Variants in VSTM5 observed in about 807,000 individuals in gnomAD.
VSTM5 encodes V-set and transmembrane domain-containing protein 5.
A neutral mutation model predicts 20.3 loss-of-function variants in VSTM5; 21 were observed. The ratio of observed to expected loss-of-function variants is 1.03; its 90% CI spans 0.73 to 1.49. VSTM5 has a LOEUF of 1.49. VSTM5 is among the 40% of genes most tolerant of loss of function. The pLI, the probability that VSTM5 is intolerant of heterozygous loss-of-function variation, is 0.00. For synonymous variants in VSTM5, 100 were observed against 102.5 expected, an observed-to-expected ratio of 0.98 and a Z score of 0.14; for missense variants, 219 against 250.0, an observed-to-expected ratio of 0.88 and a Z score of 0.84.
intron 1 of VSTM5, among the ~76,000 whole-genome samples, chr11:93,823,065 C>T (rs1390344983): frequency 1.3e-5 from 2 of 152,092 alleles, no homozygotes; most frequent in African/African-American, 2.4e-5. Context: ...TTACTTTGGC[C>T]CAAGAAACTG....
chr11:93,850,122 C>T (rs988021831), intron 1 of VSTM5, among the ~76,000 whole-genome samples: 1 of 152,088 alleles, frequency 6.6e-6, no homozygotes, highest in East Asian at 1.9e-4. Flanking sequence ...CTCTGATAAC[C>T]GTAGGCCGGG....
chr11:93,845,860 A>G (rs1328355292), intron 1 of VSTM5, among the ~76,000 whole-genome samples: 1 of 152,072 alleles, frequency 6.6e-6, no homozygotes, highest in Non-Finnish European at 1.5e-5. Context: ...TGCTGTACAC[A>G]CTTACTCATC....
intron 1 of VSTM5, chr11:93,822,023 A>T (rs1944191005): frequency 6.6e-6 from 1 of 152,156 alleles, no homozygotes. Context: ...AGGGAAAAGA[A>T]CTATATTTAA....
At chr11:93,830,349 G>A (rs1591398721) in intron 1 of VSTM5, among the ~76,000 whole-genome samples, 2 of 152,224 alleles carry the variant, frequency 1.3e-5, no homozygotes, top group African/African-American at 4.8e-5. Flanking sequence ...AAACAGCCGG[G>A]AACAGCTAGT....
chr11:93,821,527 C>A (rs1409105235), intron 1 of VSTM5: 2 of 583,640 alleles, frequency 3.4e-6, no homozygotes, highest in Non-Finnish European at 3.0e-6. Flanking sequence ...ACAGAGCAAC[C>A]TTTTTCCATT....
intron 1 of VSTM5, among the ~76,000 whole-genome samples, chr11:93,837,408 G>C (rs1031282981): frequency 6.6e-6 from 1 of 152,024 alleles, no homozygotes; most frequent in African/African-American, 2.4e-5. Context: ...ATGCTGCTAC[G>C]TATGCCCTCA....
At chr11:93,833,107 GACTTAGT>G (rs764885207) in intron 1 of VSTM5, among the ~76,000 whole-genome samples, 10 of 152,174 alleles carry the variant, frequency 6.6e-5, no homozygotes, top group Non-Finnish European at 1.0e-4. Context: ...AGAATTTGAA[GACTTAGT>G]ACTTAGTATG....
At chr11:93,838,657 G>T (rs553779304) in intron 1 of VSTM5, among the ~76,000 whole-genome samples, 1 of 150,482 alleles carries the variant, frequency 6.6e-6, no homozygotes, top group South Asian at 2.1e-4. Context: ...AAAAAGCTGG[G>T]TGTGGCGCTG....
intron 1 of VSTM5, among the ~76,000 whole-genome samples, chr11:93,838,470 G>A (rs1183778350): frequency 2.0e-5 from 3 of 150,102 alleles, no homozygotes; most frequent in South Asian, 2.1e-4. Flanking sequence ...AGACTCCATC[G>A]TAAAAAAACC....
intron 1 of VSTM5, among the ~76,000 whole-genome samples, chr11:93,838,971 C>T (rs1944346945): frequency 1.3e-5 from 2 of 152,206 alleles, no homozygotes; most frequent in African/African-American, 4.8e-5. Flanking sequence ...GGAGCTCCTG[C>T]TCTTGGGCCC....
intron 1 of VSTM5, among the ~76,000 whole-genome samples, chr11:93,840,272 A>G (rs1489685173): frequency 6.6e-6 from 1 of 152,248 alleles, no homozygotes; most frequent in African/African-American, 2.4e-5. Flanking sequence ...ATTGTGCATT[A>G]GATCATCTGG....
chr11:93,850,445 C>T lies in VSTM5; in HGVS notation c.58G>A (p.Ala20Thr). 1 of 1,549,404 alleles carries T rather than the reference C, an allele frequency of 6.5e-7. No homozygotes were observed. The highest frequency in any genetic ancestry group is 8.7e-7 in the Non-Finnish European group (1 of 1,146,320). ...CAGCGGGCTGCGGCCAGGCAGAGGG[C>T]GAAGAGTCCTAGGGAGATGCCTCGG... Reference protein sequence around the residue: ...KTRGISLGLFALCLAAARCLQ... With the variant: ...KTRGISLGLFTLCLAAARCLQ... Residue 20 changes from alanine to threonine, a missense_variant, in exon 1 of 4, where the codon GCC becomes ACC. Transcript: ENST00000409977.
chr11:93,826,410 T>G (rs2135731342), intron 1 of VSTM5, among the ~76,000 whole-genome samples: 1 of 152,076 alleles, frequency 6.6e-6, no homozygotes, highest in African/African-American at 2.4e-5. Flanking sequence ...TGTTTTCTTT[T>G]TTTTTGAGAT....
intron 1 of VSTM5, among the ~76,000 whole-genome samples, chr11:93,843,478 A>G (rs918322284): frequency 6.6e-6 from 1 of 152,130 alleles, no homozygotes; most frequent in Admixed American, 6.6e-5. Context: ...GAATGAATGA[A>G]TGAATGAATG....
In VSTM5 at chr11:93,820,187, A is replaced by C; in HGVS notation, c.*382T>G. ...ATGTTCTAATGCTGGCTGCACATCC[A>C]TCTGGAAATCCTCTGGCCTCTGATA... On this transcript the variant is annotated 3_prime_UTR_variant, in exon 4 of 4. Coordinates refer to ENST00000409977, the MANE Select transcript of VSTM5 (RefSeq NM_001144871.2). The C allele has an allele frequency of 4.1e-6, 1 of 245,722 alleles. No homozygotes were observed. Among genetic ancestry groups the C allele is most frequent in the Non-Finnish European group, 7.9e-6 (1 of 126,136 alleles). 15.2% of individuals were successfully genotyped at this position (245,722 alleles called of 1,614,324 possible).
At chr11:93,846,036 C>T (rs561237014) in intron 1 of VSTM5, among the ~76,000 whole-genome samples, 1 of 152,286 alleles carries the variant, frequency 6.6e-6, no homozygotes, top group Admixed American at 6.5e-5. Flanking sequence ...GTTTTAGAGA[C>T]AGGGTCTCAC....
intron 1 of VSTM5, chr11:93,821,606 T>C (rs1490411875): frequency 4.7e-6 from 2 of 422,608 alleles, no homozygotes; most frequent in Non-Finnish European, 8.6e-6. Flanking sequence ...CAAGGTGGAC[T>C]ACAGAGGTTC....
intron 1 of VSTM5, among the ~76,000 whole-genome samples, chr11:93,828,666 C>T (rs1944257209): frequency 6.6e-6 from 1 of 152,170 alleles, no homozygotes; most frequent in African/African-American, 2.4e-5. Context: ...ATCTTAATTA[C>T]TCATTTTCAC....
At position 93,818,762 on chromosome 11, in the gene VSTM5, C is replaced by T. The variant is rs1000910053; in HGVS notation, c.*1807G>A. The T allele has an allele frequency of 1.3e-5, 2 of 152,242 alleles. No homozygotes were observed. The highest frequency in any genetic ancestry group is 2.4e-5 in the African/African-American group (1 of 41,446). The allele number at this position is 152,242 out of a possible 1,614,324, so 9.4% of individuals were successfully genotyped here. ...GTGTGAAAGACAAGAAAGAAATCAG[C>T]AGATTATCCTTGAGCCCCTTGGATA... On this transcript the variant is annotated 3_prime_UTR_variant, in exon 4 of 4. Coordinates refer to ENST00000409977, the MANE Select transcript of VSTM5 (RefSeq NM_001144871.2).
Sources: allele counts gnomAD v4.1 joint callset (sites outside exome capture counted in the v4.1 genomes callset), GRCh38; gene constraint gnomAD v4.1.1; transcripts MANE v1.5; gene names NCBI Gene and HGNC (gene_info 2026-07-23, HGNC 2026-07-21).